The following BANK1 variants were observed in gnomAD, a reference collection of about 807,000 sequenced individuals.
The protein encoded by BANK1 is B cell scaffold protein with ankyrin repeats 1.
Under a neutral mutation model 94.5 loss-of-function variants are expected in BANK1, and 95 were observed. The ratio of observed to expected loss-of-function variants is 1.00; its 90% confidence interval spans 0.85 to 1.19. BANK1 has a LOEUF of 1.19. Among genes scored for constraint, BANK1 ranks in the 50% most tolerant of loss-of-function variants. BANK1 has a pLI of 0.00. For synonymous variants in BANK1, 334 were observed against 308.4 expected (o/e 1.08, Z -0.87); for missense variants, 987 against 932.2 (o/e 1.06, Z -0.77).
intron 7 of BANK1, among the ~76,000 whole-genome samples, chr4:102,003,207 T>C (rs1726135508): frequency 6.6e-6 from 1 of 152,178 alleles, no homozygotes; most frequent in South Asian, 2.1e-4. Flanking sequence ...CAGTTACACC[T>C]AGTTGTATGT....
chr4:101,983,586 A>G (rs940946227), intron 7 of BANK1, among the ~76,000 whole-genome samples: 1 of 152,126 alleles, frequency 6.6e-6, no homozygotes, highest in Non-Finnish European at 1.5e-5. Flanking sequence ...TTGGAAGACA[A>G]GATTATGAAT....
At chr4:102,060,660 A>C (rs1728389853) in intron 12 of BANK1, among the ~76,000 whole-genome samples, 1 of 152,114 alleles carries the variant, frequency 6.6e-6, no homozygotes, top group Non-Finnish European at 1.5e-5. Flanking sequence ...GTGTTTTTTG[A>C]ATCTTGTTGC....
In BANK1 at chr4:101,900,710, A is replaced by G. The variant is rs139428662; in HGVS notation, c.1009+5300A>G. ...ATATCAATGCTGTTAACTGAAATAGAGGTGCTATGGCAAGAATAGTTTTGA... is the reference window on the plus strand; with the variant it reads ...ATATCAATGCTGTTAACTGAAATAGGGGTGCTATGGCAAGAATAGTTTTGA... On this transcript the variant is annotated intron_variant, in intron 6 of 16. Transcript: ENST00000322953. 5.3e-5 allele frequency among the ~76,000 whole-genome samples: 8 copies of G among 152,356 alleles called. No individual in the cohort carries two copies. The East Asian group carries it at 1.2e-3, about 22-fold the overall frequency.
At chr4:102,060,083 G>T in intron 11 of BANK1, 128 bp from the exon 12 acceptor site, 3 of 819,944 alleles carry the variant, frequency 3.7e-6, no homozygotes, top group Non-Finnish European at 5.4e-6. Flanking sequence ...AAAGTGTGCT[G>T]GTTTATTCTT....
At chr4:101,867,759 A>AAAAAT (rs1205404486) in intron 4 of BANK1, among the ~76,000 whole-genome samples, 3 of 130,444 alleles carry the variant, frequency 2.3e-5, no homozygotes, top group African/African-American at 9.2e-5. Context: ...AATTAAAAAA[A>AAAAAT]ATAAATATAA....
chr4:101,881,929 G>A (rs1283006360), intron 5 of BANK1, among the ~76,000 whole-genome samples: 1 of 151,706 alleles, frequency 6.6e-6, no homozygotes, highest in African/African-American at 2.4e-5. Flanking sequence ...GGAATGATTA[G>A]TGGGGGTTTG....
intron 7 of BANK1, among the ~76,000 whole-genome samples, chr4:101,945,824 G>A (rs1490710485): frequency 6.6e-6 from 1 of 151,878 alleles, no homozygotes; most frequent in African/African-American, 2.4e-5. Context: ...CATAAGAGAG[G>A]ATAGAAACAC....
At chr4:101,849,612 CATACT>C (rs1293320498) in intron 2 of BANK1, among the ~76,000 whole-genome samples, 4 of 152,112 alleles carry the variant, frequency 2.6e-5, no homozygotes, top group Non-Finnish European at 5.9e-5. Flanking sequence ...TGTATTAACA[CATACT>C]ATATAAAAAA....
intron 7 of BANK1, among the ~76,000 whole-genome samples, chr4:102,018,517 C>G (rs1200876822): frequency 6.6e-6 from 1 of 152,190 alleles, no homozygotes; most frequent in African/African-American, 2.4e-5. Flanking sequence ...GACCAGATGT[C>G]AAAGCCATGT....
chr4:102,006,461 C>T (rs922309769), intron 7 of BANK1, among the ~76,000 whole-genome samples: 1 of 152,008 alleles, frequency 6.6e-6, no homozygotes, highest in Non-Finnish European at 1.5e-5. Context: ...AACCACTACA[C>T]TATCTGATGC....
intron 7 of BANK1, among the ~76,000 whole-genome samples, chr4:101,999,476 G>T (rs925945996): frequency 6.6e-6 from 1 of 152,094 alleles, no homozygotes; most frequent in African/African-American, 2.4e-5. Context: ...AAACTCCCTG[G>T]ATGTATATCT....
At chr4:101,891,398 C>T (rs1321016260) in intron 5 of BANK1, among the ~76,000 whole-genome samples, 1 of 151,970 alleles carries the variant, frequency 6.6e-6, no homozygotes, top group Non-Finnish European at 1.5e-5. Context: ...ATTTATTTTT[C>T]ACTTTTTTCA....
rs1560682317 is a variant in BANK1, at chr4:102,007,146, T to TATATATATATATATATATATATATA, written c.1207-14368_1207-14367insATATATATATATATATATATATATA. Among the ~76,000 whole-genome samples, 237 of 37,698 alleles carry TATATATATATATATATATATATATA rather than the reference T, an allele frequency of 6.3e-3. 5 individuals carry two copies. Among genetic ancestry groups the TATATATATATATATATATATATATA allele is most frequent in the Non-Finnish European group, 0.011 (159 of 14,504 alleles). 24.7% of individuals were successfully genotyped at this position (37,698 alleles called of 152,430 possible). ...TTTATATATATATAAAAAATATATT[T>TATATATATATATATATATATATATA]TATATATATATATATATATATATAA... On this transcript the variant is annotated intron_variant, in intron 7 of 16. Coordinates refer to ENST00000322953, the MANE Select transcript of BANK1 (RefSeq NM_017935.5).
chr4:101,952,133 C>T (rs376886846), intron 7 of BANK1, among the ~76,000 whole-genome samples: 112 of 152,132 alleles, frequency 7.4e-4, no homozygotes, highest in African/African-American at 2.6e-3. Flanking sequence ...AGTAAGTCTT[C>T]ACTTGATGTT....
At chr4:101,802,719 G>C (rs146726055) in intron 1 of BANK1, among the ~76,000 whole-genome samples, 1 of 151,980 alleles carries the variant, frequency 6.6e-6, no homozygotes, top group African/African-American at 2.4e-5. Context: ...TATACCTCAC[G>C]TTTTTTTCTT....
At chr4:101,907,826 T>C (rs938160861) in intron 6 of BANK1, among the ~76,000 whole-genome samples, 1 of 152,000 alleles carries the variant, frequency 6.6e-6, no homozygotes, top group Non-Finnish European at 1.5e-5. Context: ...GAGAATAAAA[T>C]ACCTAGGAAT....
chr4:101,867,253 A>C (rs1728109392), intron 4 of BANK1, among the ~76,000 whole-genome samples: 1 of 151,930 alleles, frequency 6.6e-6, no homozygotes, highest in Non-Finnish European at 1.5e-5. Flanking sequence ...GTGGAGTAAA[A>C]TATTTTAAGT....
intron 7 of BANK1, among the ~76,000 whole-genome samples, chr4:102,002,048 T>C (rs1174442885): frequency 3.9e-5 from 6 of 152,250 alleles, no homozygotes; most frequent in Admixed American, 3.3e-4. Flanking sequence ...AACACCTCCA[T>C]GTTTTTGGCT....
intron 2 of BANK1, among the ~76,000 whole-genome samples, chr4:101,841,137 CAT>C (rs1387718359): frequency 6.6e-6 from 1 of 151,934 alleles, no homozygotes; most frequent in Non-Finnish European, 1.5e-5. Flanking sequence ...AAAATTAAAA[CAT>C]GTATATATTT....
Sources: allele counts gnomAD v4.1 joint callset (sites outside exome capture counted in the v4.1 genomes callset), GRCh38; gene constraint gnomAD v4.1.1; transcripts MANE v1.5; gene names NCBI Gene and HGNC (gene_info 2026-07-23, HGNC 2026-07-21).